The following CRADD variants were observed in gnomAD, a reference collection of about 807,000 sequenced individuals.
CRADD encodes CARD and death domain containing adaptor protein.
A neutral mutation model predicts 15.5 loss-of-function variants in CRADD; 9 were observed. The observed-to-expected ratio is 0.58, with a 90% CI of 0.35 to 1.01. CRADD has a LOEUF of 1.01. Among genes scored for constraint, CRADD ranks in the 50% least tolerant of loss-of-function variants. The pLI is 0.02. For missense variants in CRADD, 227 were observed against 250.3 expected (o/e 0.91, Z 0.63); for synonymous variants, 118 against 107.6 (o/e 1.10, Z -0.60).
At chr12:93,856,099 C>T (rs1958272720) in intron 2 of CRADD, among the ~76,000 whole-genome samples, 1 of 152,242 alleles carries the variant, frequency 6.6e-6, no homozygotes. Context: ...AGCCACTGCG[C>T]CCGGCCCAGT....
chr12:93,727,739 A>C (rs1044810383), intron 2 of CRADD, among the ~76,000 whole-genome samples: 9 of 152,212 alleles, frequency 5.9e-5, no homozygotes, highest in African/African-American at 2.2e-4. Flanking sequence ...TGAGCCATGG[A>C]GAGGCCAGCA....
chr12:93,829,628 A>T lies in CRADD; in HGVS notation c.299-20342A>T, dbSNP rs967543406. Among the ~76,000 whole-genome samples the T allele has an allele frequency of 3.3e-5, 5 of 152,078 alleles. No homozygotes were observed. In the East Asian group the frequency reaches 7.7e-4, roughly 23 times the overall value. The stretch of plus-strand genomic sequence containing the variant: ...GCTACCACTGTGCAGCCTCTGATGG[A>T]TGGGCTCTTTTATTTGCTTTTAGGG... On this transcript the variant is annotated intron_variant, in intron 2 of 2. Transcript: ENST00000332896.
chr12:93,853,095 T>G (rs1053278375), downstream of CRADD, among the ~76,000 whole-genome samples: 5 of 152,188 alleles, frequency 3.3e-5, no homozygotes, highest in Admixed American at 6.5e-5. Context: ...AGAATAGGAT[T>G]TTCTCTGCAT....
intron 2 of CRADD, among the ~76,000 whole-genome samples, chr12:93,789,332 A>G (rs968198091): frequency 1.3e-5 from 2 of 152,164 alleles, no homozygotes; most frequent in Admixed American, 1.3e-4. Flanking sequence ...TTTCCTGAAC[A>G]GGCTGTGCAT....
chr12:93,811,310 G>A (rs1957624089), intron 2 of CRADD, among the ~76,000 whole-genome samples: 1 of 152,204 alleles, frequency 6.6e-6, no homozygotes. Flanking sequence ...GGCAGAGGAG[G>A]AAGAAAAAAG....
chr12:93,872,098 G>A (rs936977318), intron 2 of CRADD, among the ~76,000 whole-genome samples: 1 of 152,118 alleles, frequency 6.6e-6, no homozygotes, highest in South Asian at 2.1e-4. Context: ...TTGGATATAA[G>A]CCATTTTAAC....
At chr12:93,723,949 C>T (rs1262735418) in intron 2 of CRADD, among the ~76,000 whole-genome samples, 2 of 152,196 alleles carry the variant, frequency 1.3e-5, no homozygotes, top group Non-Finnish European at 2.9e-5. Flanking sequence ...GGAAAATCCA[C>T]TGTCAGATGA....
chr12:93,834,332 T>G (rs1330298438), intron 2 of CRADD, among the ~76,000 whole-genome samples: 1 of 152,232 alleles, frequency 6.6e-6, no homozygotes, highest in African/African-American at 2.4e-5. Flanking sequence ...CCTTCCTTCC[T>G]TCCCTTTAGA....
downstream of CRADD, among the ~76,000 whole-genome samples, chr12:93,855,302 CT>C (rs777013079): frequency 6.6e-6 from 1 of 152,198 alleles, no homozygotes; most frequent in Non-Finnish European, 1.5e-5. Context: ...ATCCCTTTCT[CT>C]GGGGAGTTCT....
chr12:93,780,802 G>A (rs1256757404), intron 2 of CRADD, among the ~76,000 whole-genome samples: 1 of 150,610 alleles, frequency 6.6e-6, no homozygotes, highest in Non-Finnish European at 1.5e-5. Context: ...GTGCAGTGGT[G>A]TGATCTTGGC....
At chr12:93,709,373 GT>G (rs1366229103) in intron 2 of CRADD, among the ~76,000 whole-genome samples, 2 of 152,162 alleles carry the variant, frequency 1.3e-5, no homozygotes, top group East Asian at 3.9e-4. Flanking sequence ...ATTAAGCCCA[GT>G]ACCCAGTAGT....
rs572191455 is a variant in CRADD, at chr12:93,726,799, A to G, written c.298+47727A>G. Among the ~76,000 whole-genome samples the G allele has an allele frequency of 7.2e-5, 11 of 152,272 alleles. No individual in the cohort carries two copies. The South Asian group carries it at 2.3e-3, about 32-fold the overall frequency. On this transcript the variant is annotated intron_variant, in intron 2 of 2. Transcript: ENST00000332896. Reference sequence around the variant, plus strand: ...GTGGCATTTGAGATTAGACGGATATACAAGATGGTGTACTACAGCACTCTA... The same window carrying G: ...GTGGCATTTGAGATTAGACGGATATGCAAGATGGTGTACTACAGCACTCTA...
intron 2 of CRADD, among the ~76,000 whole-genome samples, chr12:93,750,512 T>TA (rs1311516160): frequency 1.3e-5 from 2 of 151,944 alleles, no homozygotes; most frequent in South Asian, 2.1e-4. Context: ...ACATACTACA[T>TA]AAAAAAATAA....
intron 2 of CRADD, among the ~76,000 whole-genome samples, chr12:93,692,077 A>G (rs1955586505): frequency 6.6e-6 from 1 of 152,126 alleles, no homozygotes; most frequent in South Asian, 2.1e-4. Context: ...GAGCCGAAAT[A>G]AAAATTAATG....
At chr12:93,707,584 G>T (rs1955975823) in intron 2 of CRADD, among the ~76,000 whole-genome samples, 1 of 152,152 alleles carries the variant, frequency 6.6e-6, no homozygotes, top group South Asian at 2.1e-4. Flanking sequence ...AAGCTTCAAG[G>T]CTGAAGGTTT....
chr12:93,806,524 C>T (rs1957541780), intron 2 of CRADD, among the ~76,000 whole-genome samples: 1 of 148,440 alleles, frequency 6.7e-6, no homozygotes. Context: ...CTTTGTTCTT[C>T]TGGTGGCTTG....
downstream of CRADD, among the ~76,000 whole-genome samples, chr12:93,852,489 C>G (rs1958235053): frequency 6.6e-6 from 1 of 152,274 alleles, no homozygotes. Context: ...TTGCCCTTCA[C>G]AAGCAGAGTG....
intron 2 of CRADD, among the ~76,000 whole-genome samples, chr12:93,813,869 A>T (rs1957657904): frequency 6.6e-6 from 1 of 152,070 alleles, no homozygotes; most frequent in African/African-American, 2.4e-5. Flanking sequence ...AGAATAAAAG[A>T]TGTTTCTGGA....
At chr12:93,687,134 T>C (rs1326424093) in intron 2 of CRADD, among the ~76,000 whole-genome samples, 1 of 152,234 alleles carries the variant, frequency 6.6e-6, no homozygotes, top group Non-Finnish European at 1.5e-5. Flanking sequence ...CGAGTATTTA[T>C]GGGACTGATG....
Sources: allele counts gnomAD v4.1 joint callset (sites outside exome capture counted in the v4.1 genomes callset), GRCh38; gene constraint gnomAD v4.1.1; transcripts MANE v1.5; gene names NCBI Gene and HGNC (gene_info 2026-07-23, HGNC 2026-07-21).